The following DAPK1 variants were observed in gnomAD, a reference collection of about 807,000 sequenced individuals.
DAPK1 encodes the protein death associated protein kinase 1.
Under a neutral mutation model 144.9 loss-of-function variants are expected in DAPK1, and 56 were observed. The ratio of observed to expected loss-of-function variants is 0.39; its 90% confidence interval spans 0.31 to 0.48. DAPK1 has a LOEUF of 0.48. Ranked by LOEUF, DAPK1 falls within the 20% of genes least tolerant of loss-of-function variation. DAPK1 has a pLI of 0.95. For missense variants in DAPK1, 1,454 were observed against 1,875.4 expected, an observed-to-expected ratio of 0.78 and a Z score of 4.15; for synonymous variants, 690 against 749.0, an observed-to-expected ratio of 0.92 and a Z score of 1.29.
chr9:87,528,912 T>C (rs1825610710), intron 2 of DAPK1, among the ~76,000 whole-genome samples: 1 of 146,406 alleles, frequency 6.8e-6, no homozygotes, highest in African/African-American at 2.5e-5. Context: ...CCTCACACCA[T>C]ACCCCATTTT....
At chr9:87,515,518 T>TG (rs1225756517) in intron 2 of DAPK1, among the ~76,000 whole-genome samples, 2 of 151,850 alleles carry the variant, frequency 1.3e-5, no homozygotes, top group Non-Finnish European at 2.9e-5. Flanking sequence ...AGGCTTGTTT[T>TG]GGGGGCACTG....
chr9:87,524,993 A>G (rs1261328173), intron 2 of DAPK1, among the ~76,000 whole-genome samples: 3 of 152,150 alleles, frequency 2.0e-5, no homozygotes, highest in Non-Finnish European at 4.4e-5. Context: ...CCACTAAAGA[A>G]CTTGCTCATG....
rs954490721 is a variant in DAPK1, at chr9:87,658,855, C to T, written c.1923+728C>T. On this transcript the variant is annotated intron_variant, in intron 18 of 25. Coordinates refer to ENST00000408954, the MANE Select transcript of DAPK1 (RefSeq NM_004938.4). Reference sequence around the variant, plus strand: ...TCTTTGTGGGACAGTCCTGGACTCACAGATGAGAGCTTTACTGACAGAGGG... The same window carrying T: ...TCTTTGTGGGACAGTCCTGGACTCATAGATGAGAGCTTTACTGACAGAGGG... 2.1e-4 allele frequency among the ~76,000 whole-genome samples: 32 copies of T among 152,354 alleles called. No individual in the cohort carries two copies. In the East Asian group the frequency reaches 6.2e-3, roughly 29 times the overall value.
chr9:87,560,364 A>G (rs1826866563), intron 2 of DAPK1, among the ~76,000 whole-genome samples: 2 of 152,146 alleles, frequency 1.3e-5, no homozygotes, highest in Admixed American at 6.5e-5. Context: ...ATAACATTAC[A>G]TTTACCATTT....
intron 3 of DAPK1, among the ~76,000 whole-genome samples, chr9:87,627,487 C>A (rs574436112): frequency 6.6e-6 from 1 of 152,112 alleles, no homozygotes; most frequent in South Asian, 2.1e-4. Context: ...CCACCCACCC[C>A]CTTTGCTTGC....
intron 14 of DAPK1, among the ~76,000 whole-genome samples, chr9:87,647,701 G>A (rs535297395): frequency 1.4e-4 from 21 of 152,178 alleles, no homozygotes; most frequent in Admixed American, 2.6e-4. Context: ...CCTCGGTCTC[G>A]ATTCGATTTT....
chr9:87,560,084 G>A (rs772220127), intron 2 of DAPK1, among the ~76,000 whole-genome samples: 7 of 150,556 alleles, frequency 4.6e-5, no homozygotes, highest in Admixed American at 1.3e-4. Flanking sequence ...TCCTCCTCCC[G>A]GGTTCAAGCT....
chr9:87,600,692 T>A (rs929818809), intron 2 of DAPK1, among the ~76,000 whole-genome samples: 2 of 152,218 alleles, frequency 1.3e-5, no homozygotes, highest in Non-Finnish European at 2.9e-5. Flanking sequence ...TTAAATGTCA[T>A]AGCATGCAAA....
chr9:87,529,354 A>T (rs1255901452), intron 2 of DAPK1, among the ~76,000 whole-genome samples: 1 of 152,190 alleles, frequency 6.6e-6, no homozygotes, highest in Non-Finnish European at 1.5e-5. Context: ...GCAGACCCAT[A>T]CAGATTCGCT....
intron 2 of DAPK1, among the ~76,000 whole-genome samples, chr9:87,504,072 G>A (rs1428828033): frequency 6.6e-6 from 1 of 152,122 alleles, no homozygotes; most frequent in Non-Finnish European, 1.5e-5. Context: ...TCATAGAAGG[G>A]GAGAGACTTT....
chr9:87,657,693 C>G (rs1830676488), intron 17 of DAPK1: 1 of 330,856 alleles, frequency 3.0e-6, no homozygotes, highest in African/African-American at 2.2e-5. Context: ...TGTCTTCTTC[C>G]CTGGCTGTGT....
intron 3 of DAPK1, among the ~76,000 whole-genome samples, chr9:87,628,562 G>A (rs550164875): frequency 4.6e-5 from 7 of 152,166 alleles, no homozygotes; most frequent in South Asian, 2.1e-4. Context: ...AGAGGTGAGC[G>A]TGTGAACACC....
chr9:87,701,685 CT>C (rs1312029069), intron 24 of DAPK1: 1 of 332,656 alleles, frequency 3.0e-6, no homozygotes, highest in Non-Finnish European at 6.2e-6. Flanking sequence ...AGATGCCTGT[CT>C]CCCTCTCTTA....
intron 2 of DAPK1, among the ~76,000 whole-genome samples, chr9:87,537,478 T>G (rs774946535): frequency 1.3e-5 from 2 of 152,056 alleles, no homozygotes; most frequent in Non-Finnish European, 2.9e-5. Flanking sequence ...GTATTTTGTA[T>G]GTGTAGTTTG....
Position 87,707,056 on chromosome 9 carries a change from C to T in DAPK1, c.3985C>T (p.Leu1329Phe). Reference sequence around the variant, plus strand: ...CGACCCCCTGGGGAAGGACTGGTGCCTTCTCGCCATGAACTTAGGCCTCCC... The same window carrying T: ...CGACCCCCTGGGGAAGGACTGGTGCTTTCTCGCCATGAACTTAGGCCTCCC... ...PPDPLGKDWC[L>F]LAMNLGLPDL... is the part of the protein sequence containing the mutation. Residue 1329 changes from leucine (L) to phenylalanine (F), a missense_variant, in exon 26 of 26, where the codon CTT (leucine) becomes TTT (phenylalanine). Around this residue, in one of 2 missense-constraint regions of DAPK1, gnomAD observed 1,025 missense variants for 1,237.9 expected, o/e 0.83. Transcript: ENST00000408954. This position sits in a 1 kb window ranked among gnomAD's most constrained non-coding sequence, Gnocchi z 4.0. 1 of 1,613,854 alleles carries T rather than the reference C, an allele frequency of 6.2e-7. No homozygotes were observed. Among genetic ancestry groups the T allele is most frequent in the Non-Finnish European group, 8.5e-7 (1 of 1,179,814 alleles).
intron 3 of DAPK1, among the ~76,000 whole-genome samples, chr9:87,616,784 G>A (rs1302123673): frequency 1.3e-5 from 2 of 152,198 alleles, no homozygotes; most frequent in Non-Finnish European, 2.9e-5. Flanking sequence ...CACAAGCTGA[G>A]CCTCAGTAGA....
intron 2 of DAPK1, among the ~76,000 whole-genome samples, chr9:87,537,864 C>T (rs879346478): frequency 6.6e-6 from 1 of 152,118 alleles, no homozygotes; most frequent in Non-Finnish European, 1.5e-5. Flanking sequence ...CTATAAACAT[C>T]AGATAGCAGG....
intron 3 of DAPK1, among the ~76,000 whole-genome samples, chr9:87,635,311 AC>A (rs1829852034): frequency 6.6e-6 from 1 of 151,978 alleles, no homozygotes; most frequent in South Asian, 2.1e-4. Context: ...TGGAAGATTC[AC>A]CCCAACCAGG....
chr9:87,519,453 A>G (rs1437810409), intron 2 of DAPK1, among the ~76,000 whole-genome samples: 5 of 152,062 alleles, frequency 3.3e-5, no homozygotes, highest in South Asian at 4.2e-4. Flanking sequence ...TTGATTTCCT[A>G]TGATTTCTGG....
Sources: allele counts gnomAD v4.1 joint callset (sites outside exome capture counted in the v4.1 genomes callset), GRCh38; gene constraint gnomAD v4.1.1; regional missense constraint gnomAD v4.1.1; non-coding constraint Gnocchi (gnomAD v3.1); transcripts MANE v1.5; gene names NCBI Gene and HGNC (gene_info 2026-07-23, HGNC 2026-07-21).